Variants in ADK observed in about 807,000 individuals in gnomAD.
ADK encodes the protein N6,N6-dimethyladenosine kinase.
In ADK, 24 loss-of-function variants were observed where a neutral mutation model predicts 44.7. That is an observed-to-expected ratio of 0.54 (90% CI 0.39 to 0.76). The LOEUF is 0.76. ADK is among the 30% of genes least tolerant of loss of function. The probability of loss-of-function intolerance (pLI) is 0.00; values close to 1 mark genes in which losing one functional copy is unlikely to be tolerated. For synonymous variants in ADK, 128 were observed against 142.6 expected (o/e 0.90, Z 0.73); for missense variants, 321 against 425.1 (o/e 0.76, Z 2.15).
chr10:74,341,468 A>G (rs890135247), intron 4 of ADK, among the ~76,000 whole-genome samples: 6 of 150,506 alleles, frequency 4.0e-5, no homozygotes, highest in African/African-American at 1.5e-4. Context: ...TGGAGGTTGC[A>G]GTGAGCCGAG....
intron 10 of ADK, among the ~76,000 whole-genome samples, chr10:74,683,549 C>T (rs1383110084): frequency 1.3e-5 from 2 of 152,020 alleles, no homozygotes; most frequent in Non-Finnish European, 2.9e-5. Context: ...TGGATAGGGC[C>T]ATTTTGTAAA....
intron 6 of ADK, among the ~76,000 whole-genome samples, chr10:74,514,651 A>AC (rs1848488619): frequency 7.2e-6 from 1 of 139,794 alleles, no homozygotes; most frequent in Non-Finnish European, 1.6e-5. Context: ...CAAATCATAA[A>AC]CTCTTCTCCT....
At chr10:74,441,018 T>G (rs1845389022) in intron 6 of ADK, among the ~76,000 whole-genome samples, 1 of 152,172 alleles carries the variant, frequency 6.6e-6, no homozygotes, top group Non-Finnish European at 1.5e-5. Context: ...TTAGTATATG[T>G]GAAGGTCTCC....
intron 4 of ADK, among the ~76,000 whole-genome samples, chr10:74,378,909 TG>T (rs1165085011): frequency 2.6e-5 from 4 of 152,106 alleles, no homozygotes; most frequent in Admixed American, 1.3e-4. Context: ...AGATCTAGCC[TG>T]GACAACATAG....
rs191993660 is a variant in ADK at position 74,705,522 on chromosome 10, A to G, written c.965-2799A>G. Among the ~76,000 whole-genome samples, 392 of 152,308 alleles carry G rather than the reference A, an allele frequency of 2.6e-3. 1 individual carries two copies. Among genetic ancestry groups the G allele is most frequent in the South Asian group, 0.014 (68 of 4,822 alleles). On this transcript the variant is annotated intron_variant, in intron 10 of 10. Coordinates refer to ENST00000539909, the MANE Select transcript of ADK (RefSeq NM_006721.4). ...TCCACTGCTCCCATGGCCTTTTCTAATCATGCCTTCCTGCTCCTTCTCATC... is the reference window on the plus strand; with the variant it reads ...TCCACTGCTCCCATGGCCTTTTCTAGTCATGCCTTCCTGCTCCTTCTCATC...
At chr10:74,157,274 A>G (rs533738431) in intron 1 of ADK, among the ~76,000 whole-genome samples, 29 of 152,290 alleles carry the variant, frequency 1.9e-4, no homozygotes, top group African/African-American at 5.8e-4. Context: ...CACGAGGAAG[A>G]CCATTACTTA....
rs551548910 is a variant in ADK, at chr10:74,230,734, T to G, written c.194+6143T>G. 8.9e-4 allele frequency among the ~76,000 whole-genome samples: 134 copies of G among 150,360 alleles called. 1 individual carries two copies. Among genetic ancestry groups the G allele is most frequent in the African/African-American group, 3.1e-3 (126 of 40,834 alleles). ...GTCTCACTCTGTTGCCAGGCTGGAGTACAGTGGCGCGATCTTGGCTCACTG... is the reference window on the plus strand; with the variant it reads ...GTCTCACTCTGTTGCCAGGCTGGAGGACAGTGGCGCGATCTTGGCTCACTG... On this transcript the variant is annotated intron_variant, in intron 3 of 10. Transcript: ENST00000539909.
At chr10:74,655,898 C>CCTGA (rs1333607464) in intron 9 of ADK, 3 of 659,498 alleles carry the variant, frequency 4.5e-6, no homozygotes, top group Non-Finnish European at 8.6e-6. Flanking sequence ...CCCTAGCTGA[C>CCTGA]CTGACAGAGG....
intron 9 of ADK, among the ~76,000 whole-genome samples, chr10:74,649,452 C>A (rs10824216): frequency 1.3e-5 from 2 of 151,588 alleles, no homozygotes; most frequent in Admixed American, 1.3e-4. Context: ...ATAGGGAGAC[C>A]CTGTCTACAA....
intron 1 of ADK, among the ~76,000 whole-genome samples, chr10:74,156,631 A>G (rs981794139): frequency 2.6e-5 from 4 of 152,212 alleles, no homozygotes; most frequent in African/African-American, 9.7e-5. Flanking sequence ...GGGGAAAAAA[A>G]GTATCAAAAT....
chr10:74,341,756 T>A (rs1324231222), intron 4 of ADK, among the ~76,000 whole-genome samples: 1 of 152,170 alleles, frequency 6.6e-6, no homozygotes, highest in Non-Finnish European at 1.5e-5. Flanking sequence ...TTTATTTGGC[T>A]GCCATTGTAT....
At chr10:74,341,506 A>C (rs1347963521) in intron 4 of ADK, among the ~76,000 whole-genome samples, 1 of 151,496 alleles carries the variant, frequency 6.6e-6, no homozygotes, top group Non-Finnish European at 1.5e-5. Flanking sequence ...CAGCCTGGAC[A>C]ACAAGAGCGA....
In ADK at chr10:74,676,905, A is replaced by G. The variant is rs928172468; in HGVS notation, c.964+6636A>G. On this transcript the variant is annotated intron_variant, in intron 10 of 10. Coordinates refer to ENST00000539909, the MANE Select transcript of ADK (RefSeq NM_006721.4). ...CTCTGAAAACCACTCAGCAATCACA[A>G]TGCAAATAATTCTCCTATTTCCCAT... Among the ~76,000 whole-genome samples the G allele has an allele frequency of 5.3e-5, 8 of 152,314 alleles. No individual in the cohort carries two copies. The South Asian group carries it at 1.0e-3, about 20-fold the overall frequency.
intron 4 of ADK, among the ~76,000 whole-genome samples, chr10:74,369,058 A>T (rs528802155): frequency 1.3e-5 from 2 of 152,326 alleles, no homozygotes; most frequent in South Asian, 2.1e-4. Context: ...AATTCACTGT[A>T]GATAAAGAGT....
chr10:74,471,353 C>T (rs1846583711), intron 6 of ADK, among the ~76,000 whole-genome samples: 2 of 152,140 alleles, frequency 1.3e-5, no homozygotes, highest in Non-Finnish European at 2.9e-5. Flanking sequence ...GGATTACAGG[C>T]TTGAGCCACC....
chr10:74,695,619 G>GGTGTGTGT (rs749294668), intron 10 of ADK, among the ~76,000 whole-genome samples: 3 of 90,070 alleles, frequency 3.3e-5, no homozygotes, highest in Non-Finnish European at 7.7e-5. Flanking sequence ...GTATGTGTGG[G>GGTGTGTGT]GTGTGTGTGT....
intron 10 of ADK, among the ~76,000 whole-genome samples, chr10:74,696,580 C>T (rs1326568358): frequency 2.0e-5 from 3 of 151,630 alleles, no homozygotes; most frequent in Non-Finnish European, 4.4e-5. Context: ...CCATGTTAGC[C>T]AGGATGGTCT....
chr10:74,617,048 A>G (rs192730775), intron 9 of ADK, among the ~76,000 whole-genome samples: 1 of 152,134 alleles, frequency 6.6e-6, no homozygotes, highest in Non-Finnish European at 1.5e-5. Flanking sequence ...TCTTTTTCAC[A>G]TATTAACTGC....
At chr10:74,278,521 C>A (rs570838444) in intron 3 of ADK, among the ~76,000 whole-genome samples, 1 of 152,004 alleles carries the variant, frequency 6.6e-6, no homozygotes, top group Non-Finnish European at 1.5e-5. Context: ...GTAATGTGAA[C>A]TTAAATAATT....
Sources: gnomAD v4.1 joint callset for allele counts (sites outside exome capture counted in the v4.1 genomes callset) on GRCh38, gnomAD v4.1.1 for gene constraint, MANE v1.5 for transcripts, NCBI Gene and HGNC (gene_info 2026-07-23, HGNC 2026-07-21) for gene names.